The following FHOD3 variants were observed in gnomAD, a reference collection of about 807,000 sequenced individuals.
The protein encoded by FHOD3 is formin homology 2 domain containing 3, also known as FH1/FH2 domain-containing protein 3.
FHOD3 carries 90 observed loss-of-function variants against 173.0 expected under a neutral mutation model. The ratio of observed to expected loss-of-function variants is 0.52; its 90% CI spans 0.44 to 0.62. The LOEUF (loss-of-function observed/expected upper bound fraction) is 0.62. Ranked by LOEUF, FHOD3 falls within the 20% of genes least tolerant of loss-of-function variation. The pLI is 0.00. For missense variants in FHOD3, 1,945 were observed against 2,034.7 expected, an observed-to-expected ratio of 0.96 and a Z score of 0.85; for synonymous variants, 828 against 823.0, an observed-to-expected ratio of 1.01 and a Z score of -0.10.
chr18:36,776,028 G>T (rs1315061524), intron 28 of FHOD3, among the ~76,000 whole-genome samples: 2 of 152,180 alleles, frequency 1.3e-5, no homozygotes, highest in Non-Finnish European at 1.5e-5. Context: ...AGAGGCCCAG[G>T]TGTCATCCGC....
chr18:36,497,007 C>G (rs1465975695), intron 3 of FHOD3, among the ~76,000 whole-genome samples: 2 of 152,126 alleles, frequency 1.3e-5, no homozygotes, highest in Non-Finnish European at 2.9e-5. Flanking sequence ...TTCTTTTGAG[C>G]TTTGATATTG....
At chr18:36,654,668 CG>C (rs1568557258) in intron 13 of FHOD3, among the ~76,000 whole-genome samples, 1 of 152,116 alleles carries the variant, frequency 6.6e-6, no homozygotes, top group East Asian at 1.9e-4. Flanking sequence ...CAGGTGGGCA[CG>C]TAGACAGAGA....
chr18:36,468,390 G>A (rs966134012), intron 3 of FHOD3, among the ~76,000 whole-genome samples: 1 of 152,190 alleles, frequency 6.6e-6, no homozygotes, highest in Non-Finnish European at 1.5e-5. Context: ...GCTGGGGACA[G>A]GGAAGGCGGA....
At chr18:36,555,922 T>C (rs1235205506) in intron 5 of FHOD3, among the ~76,000 whole-genome samples, 1 of 152,054 alleles carries the variant, frequency 6.6e-6, no homozygotes, top group Non-Finnish European at 1.5e-5. Context: ...TTTTAGCTGA[T>C]TTTTTTCTCT....
At chr18:36,533,608 G>A (rs955754320) in intron 5 of FHOD3, among the ~76,000 whole-genome samples, 4 of 152,172 alleles carry the variant, frequency 2.6e-5, no homozygotes, top group Non-Finnish European at 4.4e-5. Flanking sequence ...GATGAGCTTC[G>A]TAAGGATCAA....
rs1394088230 is a variant in FHOD3, at chr18:36,315,506, A to G, written c.165+17506A>G. Among the ~76,000 whole-genome samples the G allele has an allele frequency of 3.3e-5, 5 of 152,106 alleles. No homozygotes were observed. In the East Asian group the frequency reaches 9.7e-4, roughly 29 times the overall value. On this transcript the variant is annotated intron_variant, in intron 1 of 28. Transcript: ENST00000590592. The stretch of plus-strand genomic sequence containing the variant: ...TTTTTATCAGGTTCCCTTTTGGATG[A>G]AACTGGGGGGCTCCTGCAGAGGGCA...
At chr18:36,621,060 A>G (rs1966545184) in intron 9 of FHOD3, among the ~76,000 whole-genome samples, 1 of 152,228 alleles carries the variant, frequency 6.6e-6, no homozygotes, top group Admixed American at 6.5e-5. Context: ...CCATTTCAGA[A>G]GGGTGATTTG....
intron 15 of FHOD3, among the ~76,000 whole-genome samples, chr18:36,686,093 G>A (rs1009139512): frequency 1.5e-4 from 23 of 151,940 alleles, no homozygotes; most frequent in Non-Finnish European, 2.9e-5. Context: ...CCAGCAATCC[G>A]ATTACTGGGT....
intron 24 of FHOD3, among the ~76,000 whole-genome samples, chr18:36,754,805 C>T (rs890632831): frequency 1.3e-5 from 2 of 151,426 alleles, no homozygotes; most frequent in South Asian, 2.1e-4. Flanking sequence ...AACACAGATA[C>T]GCAAAGTGAA....
At chr18:36,756,189 C>A (rs2042626881) in intron 25 of FHOD3, among the ~76,000 whole-genome samples, 2 of 152,178 alleles carry the variant, frequency 1.3e-5, no homozygotes, top group Non-Finnish European at 2.9e-5. Flanking sequence ...CAGTTCCAGG[C>A]AAAAGGCTGA....
intron 2 of FHOD3, among the ~76,000 whole-genome samples, chr18:36,369,498 C>CACACACATATAT (rs1555682884): frequency 1.0e-5 from 1 of 95,988 alleles, no homozygotes; most frequent in Non-Finnish European, 2.0e-5. Flanking sequence ...CACACACACA[C>CACACACATATAT]ATATATATAG....
Position 36,718,382 on chromosome 18 carries a change from C to CCCCTTG in FHOD3, c.3084_3085insCCCTTG (p.Thr1028_Phe1029insProLeu). On this transcript the variant is annotated inframe_insertion, in exon 19 of 29. Coordinates refer to ENST00000590592, the MANE Select transcript of FHOD3 (RefSeq NM_001281740.3). ...GGCCACCTCCCCCACCCCCACCCACCTTTCTGGGTTTGCCGCCCCCACCCC... is the reference window on the plus strand; with the variant it reads ...GGCCACCTCCCCCACCCCCACCCACCCCCTTGTTTCTGGGTTTGCCGCCCCCACCCC... 6.7e-7 allele frequency: 1 copy of CCCCTTG among 1,495,076 alleles called. No individual in the cohort carries two copies. Among genetic ancestry groups the CCCCTTG allele is most frequent in the Non-Finnish European group, 8.9e-7 (1 of 1,117,480 alleles). 92.6% of individuals were successfully genotyped at this position (1,495,076 alleles called of 1,614,324 possible). A position where few individuals can be genotyped will look rare whatever the true frequency, so the allele number is the denominator to read the frequency against.
intron 10 of FHOD3, among the ~76,000 whole-genome samples, chr18:36,643,068 GT>G (rs2035447691): frequency 6.6e-6 from 1 of 151,794 alleles, no homozygotes; most frequent in African/African-American, 2.4e-5. Context: ...CGTCCATATT[GT>G]CACGTGAAGC....
At chr18:36,304,967 G>T (rs1277170664) in intron 1 of FHOD3, among the ~76,000 whole-genome samples, 1 of 152,160 alleles carries the variant, frequency 6.6e-6, no homozygotes, top group Non-Finnish European at 1.5e-5. Context: ...CCTCAGAAGA[G>T]GTTCTCAGTT....
In FHOD3 at chr18:36,602,753, G is replaced by A; in HGVS notation, c.798G>A (p.Met266Ile). Residue 266 changes from methionine (M) to isoleucine (I), a missense_variant, in exon 8 of 29, where the codon ATG (methionine) becomes ATA (isoleucine). Coordinates refer to ENST00000590592, the MANE Select transcript of FHOD3 (RefSeq NM_001281740.3). ...GVDTELLVYA[M>I]TLVNKTLSGL... Reference sequence around the variant, plus strand: ...ATACGGAGCTACTGGTTTATGCAATGACTTTGGTGAACAAGGTTGGTTGAC... The same window carrying A: ...ATACGGAGCTACTGGTTTATGCAATAACTTTGGTGAACAAGGTTGGTTGAC... 6.2e-7 allele frequency: 1 copy of A among 1,614,010 alleles called. No individual in the cohort carries two copies. The highest frequency in any genetic ancestry group is 1.1e-5 in the South Asian group (1 of 91,076).
At chr18:36,454,241 C>CACATGGGAGGGCAT (rs1229003917) in intron 3 of FHOD3, among the ~76,000 whole-genome samples, 1 of 151,946 alleles carries the variant, frequency 6.6e-6, no homozygotes, top group Non-Finnish European at 1.5e-5. Context: ...GGAGGGCACA[C>CACATGGGAGGGCAT]ACATGGGAGG....
intron 17 of FHOD3, among the ~76,000 whole-genome samples, chr18:36,702,554 A>G (rs2039648786): frequency 6.6e-6 from 1 of 152,204 alleles, no homozygotes; most frequent in Non-Finnish European, 1.5e-5. Context: ...TGGAGCAACT[A>G]TTATAGAACT....
At chr18:36,676,714 T>C (rs534553115) in intron 14 of FHOD3, among the ~76,000 whole-genome samples, 1 of 152,222 alleles carries the variant, frequency 6.6e-6, no homozygotes, top group Non-Finnish European at 1.5e-5. Flanking sequence ...CATAATCTGA[T>C]AGGTGTGAAA....
At chr18:36,453,514 A>G (rs1301949346) in intron 3 of FHOD3, among the ~76,000 whole-genome samples, 2 of 152,250 alleles carry the variant, frequency 1.3e-5, no homozygotes, top group Non-Finnish European at 2.9e-5. Flanking sequence ...GCTCTGCGCA[A>G]TGCAGCCTCC....
Sources: gnomAD v4.1 joint callset for allele counts (sites outside exome capture counted in the v4.1 genomes callset) on GRCh38, gnomAD v4.1.1 for gene constraint, MANE v1.5 for transcripts, NCBI Gene and HGNC (gene_info 2026-07-23, HGNC 2026-07-21) for gene names.